XXYLT1: variants seen among roughly 807,000 people sequenced by gnomAD.
XXYLT1 encodes xyloside xylosyltransferase 1, also known as UDP-xylose:alpha-xyloside alpha-1,3-xylosyltransferase.
In XXYLT1, 20 loss-of-function variants were observed where a neutral mutation model predicts 28.9. The observed-to-expected ratio is 0.69, with a 90% CI of 0.49 to 1.00. The LOEUF (loss-of-function observed/expected upper bound fraction) is 1.00. Among genes scored for constraint, XXYLT1 ranks in the 50% least tolerant of loss-of-function variants. XXYLT1 has a pLI of 0.00. For synonymous variants in XXYLT1, 257 were observed against 253.8 expected (o/e 1.01, Z -0.12); for missense variants, 542 against 560.1 (o/e 0.97, Z 0.33).
chr3:195,266,442 C>T (rs993093707), intron 1 of XXYLT1, among the ~76,000 whole-genome samples: 3 of 151,504 alleles, frequency 2.0e-5, no homozygotes, highest in Non-Finnish European at 4.4e-5. Flanking sequence ...TGCAGTGAGC[C>T]GAGACCGCAC....
Position 195,175,637 on chromosome 3 carries a change from T to A in XXYLT1, c.653-19056A>T, listed in dbSNP as rs1018387924. On this transcript the variant is annotated intron_variant, in intron 2 of 3. Transcript: ENST00000310380. ...AGACATCGCTAGTGCTCACCCGCAC[T>A]CTGCCTTCCTGGATCCTTGCAGCGA... 2.6e-6 allele frequency: 4 copies of A among 1,536,046 alleles called. No individual in the cohort carries two copies. In the African/African-American group the frequency reaches 5.5e-5, roughly 21 times the overall value.
chr3:195,268,767 G>C (rs1232447224), intron 1 of XXYLT1, among the ~76,000 whole-genome samples: 1 of 152,146 alleles, frequency 6.6e-6, no homozygotes, highest in Non-Finnish European at 1.5e-5. Context: ...CCTTGAGTGA[G>C]GCTGCCAGAA....
intron 1 of XXYLT1, among the ~76,000 whole-genome samples, chr3:195,243,756 TA>T (rs1724883151): frequency 6.6e-6 from 1 of 152,176 alleles, no homozygotes; most frequent in Non-Finnish European, 1.5e-5. Context: ...ATGGAAAAGG[TA>T]ACAGTCATAA....
At chr3:195,093,424 G>C (rs1412948879) in intron 3 of XXYLT1, among the ~76,000 whole-genome samples, 2 of 123,080 alleles carry the variant, frequency 1.6e-5, no homozygotes, top group Non-Finnish European at 3.2e-5. Flanking sequence ...GTAAACTATC[G>C]CAAGTACAAA....
At chr3:195,147,659 A>G (rs1698445833) in intron 3 of XXYLT1, among the ~76,000 whole-genome samples, 1 of 152,216 alleles carries the variant, frequency 6.6e-6, no homozygotes, top group African/African-American at 2.4e-5. Flanking sequence ...TAAGACCAGT[A>G]ATGGGACTAC....
In XXYLT1 at chr3:195,198,384, C is replaced by T. The variant is rs1398127010; in HGVS notation, c.652+28325G>A. Among the ~76,000 whole-genome samples the T allele has an allele frequency of 7.2e-5, 11 of 152,242 alleles. 1 individual carries two copies. The South Asian group carries it at 1.5e-3, about 20-fold the overall frequency. On this transcript the variant is annotated intron_variant, in intron 2 of 3. Transcript: ENST00000310380. The stretch of plus-strand genomic sequence containing the variant: ...AAGAGTCAGTCAGGAACAAGTTGTC[C>T]GGGCACTTCATCCCGGAAGGCCAGG...
At chr3:195,179,825 G>A (rs1404330561) in intron 2 of XXYLT1, among the ~76,000 whole-genome samples, 1 of 152,150 alleles carries the variant, frequency 6.6e-6, no homozygotes, top group African/African-American at 2.4e-5. Context: ...TTAAAAACGA[G>A]TCACAATTAA....
intron 2 of XXYLT1, among the ~76,000 whole-genome samples, chr3:195,161,229 T>C (rs1391939474): frequency 6.6e-6 from 1 of 152,202 alleles, no homozygotes; most frequent in Non-Finnish European, 1.5e-5. Flanking sequence ...TCAGAGACTT[T>C]CGGTAATTTG....
intron 3 of XXYLT1, among the ~76,000 whole-genome samples, chr3:195,081,734 G>A (rs1256051338): frequency 1.3e-5 from 2 of 152,160 alleles, no homozygotes; most frequent in Non-Finnish European, 2.9e-5. Context: ...ATGAGATAAG[G>A]AAAGCCACAA....
At chr3:195,100,054 A>T (rs1716690418) in intron 3 of XXYLT1, among the ~76,000 whole-genome samples, 1 of 152,134 alleles carries the variant, frequency 6.6e-6, no homozygotes, top group Admixed American at 6.5e-5. Context: ...AAAGTAGTGG[A>T]AATTTGGAAC....
chr3:195,082,121 A>G (rs1000948848), intron 3 of XXYLT1, among the ~76,000 whole-genome samples: 3 of 152,202 alleles, frequency 2.0e-5, no homozygotes, highest in African/African-American at 7.2e-5. Context: ...ATGTATTGAC[A>G]AAGCCTCACG....
chr3:195,247,954 T>C, intron 1 of XXYLT1: 1 of 565,254 alleles, frequency 1.8e-6, no homozygotes, highest in East Asian at 3.2e-5. Context: ...GCCCCTGTGG[T>C]CCAATCACCT....
intron 2 of XXYLT1, among the ~76,000 whole-genome samples, chr3:195,162,063 TGGGTGACC>T (rs1384688389): frequency 1.3e-5 from 2 of 148,260 alleles, no homozygotes; most frequent in Admixed American, 6.8e-5. Flanking sequence ...CACTCCAGCC[TGGGTGACC>T]GGGTGACCAA....
intron 3 of XXYLT1, among the ~76,000 whole-genome samples, chr3:195,094,403 C>A (rs1266425954): frequency 6.6e-6 from 1 of 152,210 alleles, no homozygotes; most frequent in African/African-American, 2.4e-5. Flanking sequence ...CAGACACCTG[C>A]CCACACGCAT....
At chr3:195,177,944 A>G (rs1367533733) in intron 2 of XXYLT1, among the ~76,000 whole-genome samples, 1 of 151,218 alleles carries the variant, frequency 6.6e-6, no homozygotes, top group Non-Finnish European at 1.5e-5. Flanking sequence ...CTTAAAAAAA[A>G]AAAAAAAAAA....
In XXYLT1 at chr3:195,068,593, T is replaced by C. The variant is rs974253155; in HGVS notation, c.*1122A>G. ...GCTGGGTTCCTTTTTGGTTTTTTTT[T>C]TTTTTTTGAGATGGACGTCTCACTC... On this transcript the variant is annotated 3_prime_UTR_variant, in exon 4 of 4. Transcript: ENST00000310380. The C allele has an allele frequency of 6.6e-6, 1 of 151,346 alleles. No homozygotes were observed. The highest frequency in any genetic ancestry group is 2.4e-5 in the African/African-American group (1 of 41,200). 9.4% of individuals were successfully genotyped at this position (151,346 alleles called of 1,614,324 possible).
chr3:195,249,775 C>T (rs1299754836), intron 1 of XXYLT1, among the ~76,000 whole-genome samples: 4 of 152,220 alleles, frequency 2.6e-5, no homozygotes, highest in Admixed American at 6.5e-5. Context: ...AAGAGGTAAA[C>T]GTGTGGTCTG....
chr3:195,238,507 C>A (rs937251172), intron 1 of XXYLT1, among the ~76,000 whole-genome samples: 4 of 152,256 alleles, frequency 2.6e-5, no homozygotes, highest in Admixed American at 1.3e-4. Flanking sequence ...CCACTGGCCA[C>A]ATGACAGGCC....
chr3:195,212,355 G>T (rs1278847617), intron 2 of XXYLT1, among the ~76,000 whole-genome samples: 1 of 152,250 alleles, frequency 6.6e-6, no homozygotes, highest in East Asian at 1.9e-4. Flanking sequence ...CAGGCTCACA[G>T]AAACGTGGTA....
Sources: allele counts gnomAD v4.1 joint callset (sites outside exome capture counted in the v4.1 genomes callset), GRCh38; gene constraint gnomAD v4.1.1; transcripts MANE v1.5; gene names NCBI Gene and HGNC (gene_info 2026-07-23, HGNC 2026-07-21).